Variants in TAFA2 observed in about 807,000 individuals in gnomAD.
TAFA2 encodes the protein TAFA chemokine like family member 2, also known as chemokine-like protein TAFA-2.
Under a neutral mutation model 18.8 loss-of-function variants are expected in TAFA2, and 7 were observed. The ratio of observed to expected loss-of-function variants is 0.37; its 90% confidence interval spans 0.21 to 0.70. The LOEUF (loss-of-function observed/expected upper bound fraction) is 0.70, where lower values mean the gene tolerates loss of function less well. Among genes scored for constraint, TAFA2 ranks in the 30% least tolerant of loss-of-function variants. The probability of loss-of-function intolerance (pLI) is 0.53; values close to 1 mark genes in which losing one functional copy is unlikely to be tolerated. For synonymous variants in TAFA2, 60 were observed against 54.2 expected (o/e 1.11, Z -0.47); for missense variants, 122 against 158.1 (o/e 0.77, Z 1.23).
At chr12:61,870,979 T>C (rs1874577574) in intron 1 of TAFA2, among the ~76,000 whole-genome samples, 1 of 152,092 alleles carries the variant, frequency 6.6e-6, no homozygotes, top group Admixed American at 6.6e-5. Flanking sequence ...AAGTCCAGCT[T>C]AATAGCTGGT....
chr12:62,238,598 A>G (rs1190620127), intron 1 of TAFA2, among the ~76,000 whole-genome samples: 1 of 152,198 alleles, frequency 6.6e-6, no homozygotes, highest in Non-Finnish European at 1.5e-5. Flanking sequence ...TGATTCCACA[A>G]TCCAAACCCT....
chr12:61,976,789 T>C (rs1275764480), intron 1 of TAFA2, among the ~76,000 whole-genome samples: 1 of 152,110 alleles, frequency 6.6e-6, no homozygotes, highest in Non-Finnish European at 1.5e-5. Context: ...TTTTCTGTCC[T>C]TGCGATAGTT....
At chr12:62,257,576 G>T (rs75830092) in intron 1 of TAFA2, among the ~76,000 whole-genome samples, 4,042 of 152,220 alleles carry the variant, frequency 0.027, 94 homozygotes, top group Middle Eastern at 0.051. Flanking sequence ...AACCAACTGT[G>T]ACTTTAAGAG....
intron 2 of TAFA2, among the ~76,000 whole-genome samples, chr12:61,760,173 G>C (rs1408223750): frequency 6.9e-6 from 1 of 144,796 alleles, no homozygotes; most frequent in Non-Finnish European, 1.5e-5. Flanking sequence ...CTCAGCCTTT[G>C]TCCTTCTTAT....
intron 1 of TAFA2, among the ~76,000 whole-genome samples, chr12:62,034,090 A>T (rs2136749844): frequency 6.6e-6 from 1 of 152,344 alleles, no homozygotes; most frequent in South Asian, 2.1e-4. Context: ...TAATTCATGT[A>T]TTTAGAGATC....
At chr12:61,983,912 T>G in intron 1 of TAFA2, among the ~76,000 whole-genome samples, 1 of 152,192 alleles carries the variant, frequency 6.6e-6, no homozygotes, top group Non-Finnish European at 1.5e-5. Context: ...AGTCTCCTGC[T>G]AATCAGTCTT....
chr12:62,041,345 A>T (rs1301729954), intron 1 of TAFA2, among the ~76,000 whole-genome samples: 2 of 152,292 alleles, frequency 1.3e-5, no homozygotes, highest in East Asian at 3.9e-4. Flanking sequence ...TATTCTTTGC[A>T]TGGCACTATA....
intron 1 of TAFA2, among the ~76,000 whole-genome samples, chr12:61,912,352 G>A (rs1329616366): frequency 6.6e-6 from 1 of 152,122 alleles, no homozygotes; most frequent in Non-Finnish European, 1.5e-5. Context: ...TGTGACTAGA[G>A]ACACATGTTG....
At chr12:61,832,651 T>G (rs992311810) in intron 2 of TAFA2, among the ~76,000 whole-genome samples, 2 of 152,116 alleles carry the variant, frequency 1.3e-5, no homozygotes, top group African/African-American at 4.8e-5. Flanking sequence ...ACAGCCCTAC[T>G]GCTGGCCATA....
chr12:61,749,501 T>C (rs1248961445), intron 4 of TAFA2, among the ~76,000 whole-genome samples: 1 of 152,122 alleles, frequency 6.6e-6, no homozygotes, highest in Non-Finnish European at 1.5e-5. Context: ...TTAATTCTAA[T>C]ATGAGTACTA....
intron 1 of TAFA2, among the ~76,000 whole-genome samples, chr12:61,871,819 G>A (rs1350801635): frequency 1.3e-5 from 2 of 152,308 alleles, no homozygotes; most frequent in African/African-American, 4.8e-5. Context: ...TTGGCCAGAT[G>A]CGGTTGTTCA....
In TAFA2 at chr12:61,901,774, G is replaced by A. The variant is rs139599573; in HGVS notation, c.-1-34348C>T. ...TTAATTATCTGTCTCACACAACATC[G>A]GGAGGCAATTTTTGATTGTATACCA... is the stretch of plus-strand genomic sequence containing the variant. On this transcript the variant is annotated intron_variant, in intron 1 of 4. Transcript: ENST00000416284. Among the ~76,000 whole-genome samples, 10 of 152,080 alleles carry A rather than the reference G, an allele frequency of 6.6e-5. No homozygotes were observed. In the East Asian group the frequency reaches 1.2e-3, roughly 18 times the overall value.
At chr12:62,255,737 C>T (rs1334373966) in intron 1 of TAFA2, among the ~76,000 whole-genome samples, 1 of 151,666 alleles carries the variant, frequency 6.6e-6, no homozygotes, top group Non-Finnish European at 1.5e-5. Flanking sequence ...GCATGTAATC[C>T]CAGCTACTCA....
intron 1 of TAFA2, among the ~76,000 whole-genome samples, chr12:62,206,387 T>C (rs1451358752): frequency 6.6e-6 from 1 of 152,256 alleles, no homozygotes; most frequent in Non-Finnish European, 1.5e-5. Context: ...CATGTCTTCA[T>C]ATTCTTTTTC....
At chr12:61,776,834 A>G (rs1211047032) in intron 2 of TAFA2, among the ~76,000 whole-genome samples, 7 of 151,942 alleles carry the variant, frequency 4.6e-5, no homozygotes, top group Non-Finnish European at 8.8e-5. Context: ...TTTCTCTAAT[A>G]TAATTTTTCT....
chr12:61,996,281 A>G (rs1880184672), intron 1 of TAFA2, among the ~76,000 whole-genome samples: 1 of 152,202 alleles, frequency 6.6e-6, no homozygotes, highest in East Asian at 1.9e-4. Flanking sequence ...GACTAAAAGG[A>G]AACAGTGAAG....
intron 2 of TAFA2, among the ~76,000 whole-genome samples, chr12:61,798,050 C>T (rs975236963): frequency 2.0e-5 from 3 of 152,244 alleles, no homozygotes; most frequent in Non-Finnish European, 2.9e-5. Context: ...CAACCACATA[C>T]GACTATATAA....
chr12:61,867,880 G>T, intron 1 of TAFA2, among the ~76,000 whole-genome samples: 1 of 152,038 alleles, frequency 6.6e-6, no homozygotes, highest in Non-Finnish European at 1.5e-5. Context: ...ACAGAATATG[G>T]TCACTTCAAA....
chr12:62,182,867 A>C lies in TAFA2; in HGVS notation c.-2+8392T>G, dbSNP rs147583006. ...CTTTTCAGACCTATACTTCACAGCTATAAATAAGAATGACTAAGAAGAAAA... is the reference window on the plus strand; with the variant it reads ...CTTTTCAGACCTATACTTCACAGCTCTAAATAAGAATGACTAAGAAGAAAA... On this transcript the variant is annotated intron_variant, in intron 1 of 4. Transcript: ENST00000416284. Among the ~76,000 whole-genome samples, 13 of 152,344 alleles carry C rather than the reference A, an allele frequency of 8.5e-5. No individual in the cohort carries two copies. In the East Asian group the frequency reaches 2.5e-3, roughly 29 times the overall value.
Sources: allele counts gnomAD v4.1 joint callset (sites outside exome capture counted in the v4.1 genomes callset), GRCh38; gene constraint gnomAD v4.1.1; transcripts MANE v1.5; gene names NCBI Gene and HGNC (gene_info 2026-07-23, HGNC 2026-07-21).